GLIS3: variants seen among roughly 807,000 people sequenced by gnomAD.
GLIS3 encodes zinc finger protein GLIS3.
GLIS3 carries 53 observed loss-of-function variants against 78.6 expected under a neutral mutation model. The ratio of observed to expected loss-of-function variants is 0.67; its 90% CI spans 0.54 to 0.85. The LOEUF (loss-of-function observed/expected upper bound fraction) is 0.85, where lower values mean the gene tolerates loss of function less well. Ranked by LOEUF, GLIS3 falls within the 40% of genes least tolerant of loss-of-function variation. The probability of loss-of-function intolerance (pLI) is 0.00; values close to 1 mark genes in which losing one functional copy is unlikely to be tolerated. For missense variants in GLIS3, 1,703 were observed against 1,231.1 expected (o/e 1.38, Z -5.74); for synonymous variants, 684 against 509.9 (o/e 1.34, Z -4.60).
chr9:4,111,533 G>T (rs1264938872), intron 4 of GLIS3, among the ~76,000 whole-genome samples: 1 of 152,252 alleles, frequency 6.6e-6, no homozygotes, highest in Non-Finnish European at 1.5e-5. Context: ...CTGTGTTTTG[G>T]GATATGAAAT....
chr9:4,116,290 T>A (rs1366119921), intron 4 of GLIS3, among the ~76,000 whole-genome samples: 2 of 152,256 alleles, frequency 1.3e-5, no homozygotes, highest in Non-Finnish European at 2.9e-5. Flanking sequence ...GGCCGGTGTG[T>A]TCCAGAGTAA....
intron 4 of GLIS3, among the ~76,000 whole-genome samples, chr9:4,015,699 C>A (rs1822374179): frequency 6.6e-6 from 1 of 151,852 alleles, no homozygotes; most frequent in Non-Finnish European, 1.5e-5. Flanking sequence ...ACCAGCCTGG[C>A]CAACAAGGTG....
the GLIS3 span, among the ~76,000 whole-genome samples, chr9:4,392,888 G>T: frequency 1.3e-5 from 2 of 151,386 alleles, no homozygotes; most frequent in African/African-American, 2.4e-5. Flanking sequence ...AAAAAATCCA[G>T]AACTACTTCT....
chr9:4,359,924 T>C, the GLIS3 span, among the ~76,000 whole-genome samples: 1 of 152,068 alleles, frequency 6.6e-6, no homozygotes, highest in African/African-American at 2.4e-5. Flanking sequence ...GTATTTTCTG[T>C]ATATACTTAT....
At chr9:3,870,336 C>A (rs1820891498) in intron 8 of GLIS3, among the ~76,000 whole-genome samples, 1 of 152,126 alleles carries the variant, frequency 6.6e-6, no homozygotes, top group East Asian at 1.9e-4. Flanking sequence ...AATTAACATG[C>A]TCCTGGATGA....
At chr9:4,268,327 C>T (rs778956628) in intron 2 of GLIS3, among the ~76,000 whole-genome samples, 8 of 152,128 alleles carry the variant, frequency 5.3e-5, no homozygotes, top group East Asian at 3.9e-4. Flanking sequence ...ATTTCAAGTA[C>T]TTAAAATAGC....
At chr9:4,093,625 T>C (rs1344176399) in intron 4 of GLIS3, among the ~76,000 whole-genome samples, 1 of 152,182 alleles carries the variant, frequency 6.6e-6, no homozygotes, top group Admixed American at 6.5e-5. Flanking sequence ...TAAGGGGCTA[T>C]AAATACTCAG....
chr9:4,392,838 A>G, the GLIS3 span, among the ~76,000 whole-genome samples: 5 of 152,306 alleles, frequency 3.3e-5, no homozygotes, highest in African/African-American at 9.6e-5. Flanking sequence ...ACAAGAGTAC[A>G]TTACACATAG....
chr9:4,401,554 G>A, the GLIS3 span, among the ~76,000 whole-genome samples: 3 of 148,516 alleles, frequency 2.0e-5, no homozygotes, highest in Non-Finnish European at 3.0e-5. Flanking sequence ...GTGAGCCACC[G>A]TGCCTGTCCT....
intron 4 of GLIS3, among the ~76,000 whole-genome samples, chr9:3,992,386 G>C (rs938100041): frequency 6.6e-6 from 1 of 152,122 alleles, no homozygotes. Context: ...TTGGGAATGA[G>C]GGCAATAAAG....
At chr9:4,209,781 T>G (rs1820221529) in intron 2 of GLIS3, among the ~76,000 whole-genome samples, 1 of 149,020 alleles carries the variant, frequency 6.7e-6, no homozygotes, top group South Asian at 2.1e-4. Context: ...ACAGCATCCC[T>G]GTCCACTGTC....
intron 4 of GLIS3, among the ~76,000 whole-genome samples, chr9:4,068,810 G>GTGCA (rs149559824): frequency 1.4e-4 from 12 of 83,098 alleles, no homozygotes; most frequent in South Asian, 5.8e-4. Flanking sequence ...GTTATTTTTT[G>GTGCA]TGCATGCATG....
At chr9:4,386,882 C>T in the GLIS3 span, among the ~76,000 whole-genome samples, 1 of 152,168 alleles carries the variant, frequency 6.6e-6, no homozygotes, top group Non-Finnish European at 1.5e-5. Flanking sequence ...TTATGAGAGT[C>T]AGAGGGACCG....
chr9:4,243,063 G>C (rs1823468233), intron 2 of GLIS3, among the ~76,000 whole-genome samples: 1 of 152,030 alleles, frequency 6.6e-6, no homozygotes, highest in Admixed American at 6.6e-5. Flanking sequence ...TCAACCACTT[G>C]GTTCTACATT....
Position 3,966,603 on chromosome 9 carries a change from T to C in GLIS3, c.1711-29414A>G, listed in dbSNP as rs1004863246. ...CTGAGGTCAGGAGTCAAGACCAGCC[T>C]GGCCAACATGGTGAAACCCTGTCTC... On this transcript the variant is annotated intron_variant, in intron 4 of 10. Transcript: ENST00000381971. 2.0e-4 allele frequency among the ~76,000 whole-genome samples: 30 copies of C among 152,148 alleles called. No homozygotes were observed. The East Asian group carries it at 3.7e-3, about 19-fold the overall frequency.
the GLIS3 span, among the ~76,000 whole-genome samples, chr9:4,369,422 T>C: frequency 6.6e-6 from 1 of 152,112 alleles, no homozygotes; most frequent in Non-Finnish European, 1.5e-5. Flanking sequence ...GATTGCAAAA[T>C]GTTGATGCAT....
chr9:4,330,320 A>G (rs769766608), intron 2 of GLIS3, among the ~76,000 whole-genome samples: 3 of 152,262 alleles, frequency 2.0e-5, no homozygotes, highest in African/African-American at 4.8e-5. Context: ...GCTGGTACCC[A>G]TCCAGAGTCT....
intron 4 of GLIS3, among the ~76,000 whole-genome samples, chr9:4,078,346 C>T (rs1044247052): frequency 6.6e-6 from 1 of 152,132 alleles, no homozygotes; most frequent in African/African-American, 2.4e-5. Flanking sequence ...CAAAGTCCTG[C>T]TCCTGACCCA....
At chr9:4,028,844 G>C (rs539201659) in intron 4 of GLIS3, among the ~76,000 whole-genome samples, 8 of 152,314 alleles carry the variant, frequency 5.3e-5, no homozygotes, top group Non-Finnish European at 1.2e-4. Flanking sequence ...ATTGATAGCA[G>C]TGAAGATAAT....
Sources: allele counts gnomAD v4.1 joint callset (sites outside exome capture counted in the v4.1 genomes callset), GRCh38; gene constraint gnomAD v4.1.1; transcripts MANE v1.5; gene names NCBI Gene and HGNC (gene_info 2026-07-23, HGNC 2026-07-21).